UNC79: variants seen among roughly 807,000 people sequenced by gnomAD.
UNC79 encodes protein unc-79 homolog.
UNC79 carries 37 observed loss-of-function variants against 283.1 expected under a neutral mutation model. The ratio of observed to expected loss-of-function variants is 0.13; its 90% confidence interval spans 0.10 to 0.17. The LOEUF (loss-of-function observed/expected upper bound fraction) is 0.17, where lower values mean the gene tolerates loss of function less well. UNC79 is among the 10% of genes least tolerant of loss of function. The pLI is 1.00. For synonymous variants in UNC79, 1,107 were observed against 1,200.2 expected (o/e 0.92, Z 1.61); for missense variants, 2,272 against 3,211.1 (o/e 0.71, Z 7.07).
intron 4 of UNC79, among the ~76,000 whole-genome samples, chr14:93,479,212 CTTCCTTCCTTCCTTCCT>C (rs1188429175): frequency 1.4e-5 from 2 of 143,714 alleles, no homozygotes; most frequent in Admixed American, 7.0e-5. Context: ...TCCTTCCTTC[CTTCCTTCCTTCCTTCCT>C]TTCCTTCCTT....
At chr14:93,562,976 G>A (rs2062655761) in intron 14 of UNC79, among the ~76,000 whole-genome samples, 1 of 152,198 alleles carries the variant, frequency 6.6e-6, no homozygotes, top group South Asian at 2.1e-4. Flanking sequence ...ACACTGGGAA[G>A]TGATTTCCTT....
At chr14:93,664,902 C>A (rs1011723224) in intron 40 of UNC79, among the ~76,000 whole-genome samples, 1 of 151,972 alleles carries the variant, frequency 6.6e-6, no homozygotes, top group Non-Finnish European at 1.5e-5. Flanking sequence ...TAGTTAAAAT[C>A]CTAATGAACA....
At chr14:93,702,270 G>A (rs920266652) in intron 47 of UNC79, among the ~76,000 whole-genome samples, 3 of 151,766 alleles carry the variant, frequency 2.0e-5, no homozygotes, top group African/African-American at 7.3e-5. Flanking sequence ...ATGAGGGTTG[G>A]GGGACAGGGG....
intron 24 of UNC79, among the ~76,000 whole-genome samples, chr14:93,599,109 T>C: frequency 6.6e-6 from 1 of 152,250 alleles, no homozygotes; most frequent in Non-Finnish European, 1.5e-5. Flanking sequence ...TTTGTTGTTA[T>C]TATTCAACTA....
rs560745499 is a variant in UNC79 at position 93,333,404 on chromosome 14, C to T, written c.-470C>T. Reference sequence around the variant, plus strand: ...CATGTTTCCGTTCGGCGGCCGGCGTCCCTCGGGTGGTCGCATGCAATGAGT... The same window carrying T: ...CATGTTTCCGTTCGGCGGCCGGCGTTCCTCGGGTGGTCGCATGCAATGAGT... On this transcript the variant is annotated 5_prime_UTR_variant, in exon 1 of 50. Coordinates refer to the UNC79 transcript ENST00000256339. The T allele has an allele frequency of 1.6e-3, 643 of 398,674 alleles. 1 individual carries two copies. Among genetic ancestry groups the T allele is most frequent in the Admixed American group, 3.1e-3 (70 of 22,734 alleles). 24.7% of individuals were successfully genotyped at this position (398,674 alleles called of 1,614,324 possible).
At position 93,521,287 on chromosome 14, in the gene UNC79, C is replaced by T. The variant is rs1216360537; in HGVS notation, c.899-2691C>T. On this transcript the variant is annotated intron_variant, in intron 7 of 48. Coordinates refer to ENST00000555664, the Ensembl canonical transcript of UNC79. Reference sequence around the variant, plus strand: ...GGAATTGCTTAGCTCACAGAACTCTCACAGTTTTTCTCTATCCAGCCTCAT... The same window carrying T: ...GGAATTGCTTAGCTCACAGAACTCTTACAGTTTTTCTCTATCCAGCCTCAT... Among the ~76,000 whole-genome samples, 4 of 152,158 alleles carry T rather than the reference C, an allele frequency of 2.6e-5. No homozygotes were observed. The East Asian group carries it at 7.7e-4, about 29-fold the overall frequency.
chr14:93,497,999 T>G (rs776357182), intron 7 of UNC79, among the ~76,000 whole-genome samples: 3 of 150,514 alleles, frequency 2.0e-5, no homozygotes, highest in Non-Finnish European at 4.4e-5. Context: ...AAAAATTAAG[T>G]GACCCCGATA....
chr14:93,463,252 A>G (rs1283272819), intron 1 of UNC79, among the ~76,000 whole-genome samples: 1 of 152,148 alleles, frequency 6.6e-6, no homozygotes, highest in Non-Finnish European at 1.5e-5. Flanking sequence ...GTGATCGGAA[A>G]GTGCCTGATG....
intron 12 of UNC79, among the ~76,000 whole-genome samples, chr14:93,540,079 T>C (rs1470837585): frequency 6.6e-6 from 1 of 152,236 alleles, no homozygotes; most frequent in Non-Finnish European, 1.5e-5. Context: ...CTTAATACAT[T>C]ACCAAGTTGC....
chr14:93,419,403 G>C (rs192789247), intron 1 of UNC79, among the ~76,000 whole-genome samples: 1 of 151,466 alleles, frequency 6.6e-6, no homozygotes, highest in East Asian at 2.0e-4. Context: ...TCCTGACCTC[G>C]TGATCCACCT....
In UNC79 at chr14:93,529,281, A is replaced by C; in HGVS notation, c.1053-5A>C. 1 of 1,613,000 alleles carries C rather than the reference A, an allele frequency of 6.2e-7. No homozygotes were observed. The highest frequency in any genetic ancestry group is 8.5e-7 in the Non-Finnish European group (1 of 1,179,622). ...CTCAAAAATGAATTTTGTTTTTTTC[A>C]ATAGGGACCACAGTGAGTGGCTGAT... On this transcript the variant is annotated splice_polypyrimidine_tract_variant and splice_region_variant and intron_variant, in intron 9 of 48. Coordinates refer to ENST00000555664, the Ensembl canonical transcript of UNC79.
chr14:93,441,681 T>C (rs942993345), intron 1 of UNC79, among the ~76,000 whole-genome samples: 4 of 152,156 alleles, frequency 2.6e-5, no homozygotes, highest in Non-Finnish European at 4.4e-5. Flanking sequence ...GTATCTGATA[T>C]ACAATAGTGT....
At chr14:93,420,612 G>A (rs1360945234) in intron 1 of UNC79, among the ~76,000 whole-genome samples, 2 of 151,702 alleles carry the variant, frequency 1.3e-5, no homozygotes, top group East Asian at 3.9e-4. Context: ...AACAGAACTA[G>A]TAGATATTTA....
chr14:93,501,842 T>C (rs925564412), intron 7 of UNC79, among the ~76,000 whole-genome samples: 1 of 152,178 alleles, frequency 6.6e-6, no homozygotes, highest in Non-Finnish European at 1.5e-5. Context: ...ACAAGGCTCC[T>C]CCCAACTATT....
Position 93,347,315 on chromosome 14 carries a change from G to A in UNC79, c.-351+13792G>A, listed in dbSNP as rs755952756. On this transcript the variant is annotated intron_variant, in intron 1 of 49. Transcript: ENST00000256339. ...TGTCCTGCCCGCCGCCACTACCGCC[G>A]CTTGGCCCTGCTCGGCCTGCAGCCC... The A allele has an allele frequency of 7.5e-6, 12 of 1,604,848 alleles. No individual in the cohort carries two copies. Among genetic ancestry groups the A allele is most frequent in the Admixed American group, 5.0e-5 (3 of 59,790 alleles).
chr14:93,595,698 C>G (rs1479890177), intron 23 of UNC79, among the ~76,000 whole-genome samples: 6 of 152,146 alleles, frequency 3.9e-5, no homozygotes, highest in African/African-American at 2.4e-5. Context: ...CTAGGTCCCC[C>G]CTGTGGAGAG....
At chr14:93,582,944 G>T (rs1274891006) in intron 20 of UNC79, among the ~76,000 whole-genome samples, 1 of 152,086 alleles carries the variant, frequency 6.6e-6, no homozygotes, top group East Asian at 1.9e-4. Context: ...CTGGGTGGTG[G>T]CACTCTGGGG....
intron 1 of UNC79, among the ~76,000 whole-genome samples, chr14:93,369,291 T>C (rs1257680118): frequency 1.3e-5 from 2 of 152,216 alleles, no homozygotes; most frequent in Non-Finnish European, 2.9e-5. Context: ...CCTGGCCCAA[T>C]TCAAAGACTA....
intron 41 of UNC79, 130 bp from the exon 45 acceptor site, chr14:93,682,487 T>C (rs74480186): frequency 0.037 from 27,360 of 736,556 alleles, 591 homozygotes; most frequent in South Asian, 0.065. Context: ...GATTAGCAAA[T>C]CTGATCTATC....
Sources: allele counts gnomAD v4.1 joint callset (sites outside exome capture counted in the v4.1 genomes callset), GRCh38; gene constraint gnomAD v4.1.1; transcripts MANE v1.5; gene names NCBI Gene and HGNC (gene_info 2026-07-23, HGNC 2026-07-21).